The following STK39 variants were observed in gnomAD, a reference collection of about 807,000 sequenced individuals.
The protein encoded by STK39 is STE20/SPS1-related proline-alanine-rich protein kinase.
A neutral mutation model predicts 77.8 loss-of-function variants in STK39; 20 were observed. The observed-to-expected ratio is 0.26, with a 90% CI of 0.18 to 0.37. The LOEUF (loss-of-function observed/expected upper bound fraction) is 0.37. Ranked by LOEUF, STK39 falls within the 10% of genes least tolerant of loss-of-function variation. The pLI, the probability that STK39 is intolerant of heterozygous loss-of-function variation, is 1.00. For missense variants in STK39, 479 were observed against 656.5 expected (o/e 0.73, Z 2.95); for synonymous variants, 246 against 234.1 (o/e 1.05, Z -0.47).
chr2:168,057,813 C>T (rs923031287), intron 14 of STK39, among the ~76,000 whole-genome samples: 9 of 152,084 alleles, frequency 5.9e-5, no homozygotes, highest in Non-Finnish European at 2.9e-5. Flanking sequence ...AGTCTCCTTG[C>T]ACCTCTACCT....
At chr2:168,014,427 G>C (rs929107921) in intron 15 of STK39, among the ~76,000 whole-genome samples, 10 of 151,782 alleles carry the variant, frequency 6.6e-5, no homozygotes, top group African/African-American at 2.4e-4. Context: ...AGGCTGCAGT[G>C]AACTCCAGTC....
intron 5 of STK39, among the ~76,000 whole-genome samples, chr2:168,153,802 G>A (rs1173944215): frequency 6.6e-6 from 1 of 152,180 alleles, no homozygotes; most frequent in East Asian, 1.9e-4. Flanking sequence ...GACTGAAGAG[G>A]AAGATGTAAG....
At chr2:168,138,320 A>C in intron 7 of STK39, 99 bp from the exon 8 acceptor site, 1 of 1,437,066 alleles carries the variant, frequency 7.0e-7, no homozygotes, top group Non-Finnish European at 9.3e-7. Flanking sequence ...ATCCTTGATT[A>C]GATACAAAGT....
chr2:167,990,889 T>C (rs1434793399), intron 16 of STK39, among the ~76,000 whole-genome samples: 1 of 152,188 alleles, frequency 6.6e-6, no homozygotes, highest in African/African-American at 2.4e-5. Context: ...AGTCACTGAA[T>C]GACCCACATT....
At chr2:168,073,017 A>T (rs999475882) in intron 12 of STK39, among the ~76,000 whole-genome samples, 3 of 152,220 alleles carry the variant, frequency 2.0e-5, no homozygotes, top group Non-Finnish European at 4.4e-5. Context: ...ATTATAAATC[A>T]ATATGTTAAC....
intron 10 of STK39, among the ~76,000 whole-genome samples, chr2:168,121,575 GTAGGCATCCA>G (rs1444719870): frequency 3.9e-5 from 6 of 152,132 alleles, no homozygotes; most frequent in African/African-American, 1.4e-4. Flanking sequence ...CCTTCTTTCT[GTAGGCATCCA>G]TAGGCTTTTC....
At chr2:168,216,077 T>A (rs969799837) in intron 1 of STK39, among the ~76,000 whole-genome samples, 1 of 152,152 alleles carries the variant, frequency 6.6e-6, no homozygotes, top group Non-Finnish European at 1.5e-5. Flanking sequence ...GTAAAAGCAA[T>A]GTGAGGAGAA....
intron 1 of STK39, among the ~76,000 whole-genome samples, chr2:168,184,777 T>C (rs1183852494): frequency 6.6e-6 from 1 of 152,150 alleles, no homozygotes; most frequent in African/African-American, 2.4e-5. Flanking sequence ...AAAAACTGCT[T>C]TATGAAACTT....
chr2:168,077,306 C>T (rs185611492), intron 10 of STK39, among the ~76,000 whole-genome samples: 2 of 152,256 alleles, frequency 1.3e-5, no homozygotes, highest in Admixed American at 6.5e-5. Context: ...GTCCTTTCCC[C>T]CTCTGGCTCT....
At chr2:167,988,944 C>T (rs1026713479) in intron 16 of STK39, among the ~76,000 whole-genome samples, 2 of 152,170 alleles carry the variant, frequency 1.3e-5, no homozygotes, top group African/African-American at 4.8e-5. Flanking sequence ...GAGCTTCAAC[C>T]AAGAGAGGTG....
intron 2 of STK39, among the ~76,000 whole-genome samples, chr2:168,176,462 A>G (rs1463081468): frequency 1.3e-5 from 2 of 152,218 alleles, no homozygotes; most frequent in Non-Finnish European, 2.9e-5. Context: ...AGCCACGAAG[A>G]TATCTAGAGC....
intron 10 of STK39, among the ~76,000 whole-genome samples, chr2:168,102,377 T>C (rs1215466521): frequency 6.6e-6 from 1 of 152,148 alleles, no homozygotes; most frequent in Non-Finnish European, 1.5e-5. Context: ...CTGTTGTGAT[T>C]TTCATTTGCA....
At chr2:168,016,387 C>CAAAAAAAAAAA (rs869084308) in intron 15 of STK39, among the ~76,000 whole-genome samples, 114 of 65,684 alleles carry the variant, frequency 1.7e-3, no homozygotes, top group African/African-American at 6.0e-3. Flanking sequence ...GGCCTTTGTT[C>CAAAAAAAAAAA]AAAAAAAAAA....
chr2:168,009,890 GT>G (rs1472943370), intron 16 of STK39, among the ~76,000 whole-genome samples: 1 of 152,190 alleles, frequency 6.6e-6, no homozygotes, highest in Admixed American at 6.5e-5. Flanking sequence ...CACTCAATAA[GT>G]TGTACATGAA....
chr2:167,969,069 C>T (rs1692245991), intron 16 of STK39, among the ~76,000 whole-genome samples: 1 of 152,178 alleles, frequency 6.6e-6, no homozygotes, highest in Admixed American at 6.5e-5. Flanking sequence ...TCTTTCTGCA[C>T]AAGGCCATGC....
intron 16 of STK39, among the ~76,000 whole-genome samples, chr2:168,009,561 T>C (rs1684216926): frequency 6.6e-6 from 1 of 152,190 alleles, no homozygotes; most frequent in Admixed American, 6.6e-5. Flanking sequence ...GTCTAGATAC[T>C]TCTTCGGACC....
At chr2:167,973,503 A>T (rs1683174476) in intron 16 of STK39, among the ~76,000 whole-genome samples, 1 of 152,244 alleles carries the variant, frequency 6.6e-6, no homozygotes, top group South Asian at 2.1e-4. Context: ...GTTTAAAAAC[A>T]GGGATGTTCA....
chr2:168,117,011 A>G (rs1221523498), intron 10 of STK39, among the ~76,000 whole-genome samples: 1 of 152,226 alleles, frequency 6.6e-6, no homozygotes, highest in East Asian at 1.9e-4. Context: ...GAAGAAAATG[A>G]CAATAGTCAA....
At chr2:167,991,963 G>C (rs1290617420) in intron 16 of STK39, among the ~76,000 whole-genome samples, 1 of 152,130 alleles carries the variant, frequency 6.6e-6, no homozygotes, top group Non-Finnish European at 1.5e-5. Context: ...AGCCTGATCG[G>C]CTTGAACAAT....
Sources: allele counts gnomAD v4.1 joint callset (sites outside exome capture counted in the v4.1 genomes callset), GRCh38; gene constraint gnomAD v4.1.1; transcripts MANE v1.5; gene names NCBI Gene and HGNC (gene_info 2026-07-23, HGNC 2026-07-21).